HDLBP: variants seen among roughly 807,000 people sequenced by gnomAD.
The protein encoded by HDLBP is vigilin.
HDLBP carries 30 observed loss-of-function variants against 137.3 expected under a neutral mutation model. The observed-to-expected ratio is 0.22, with a 90% confidence interval of 0.16 to 0.30. The LOEUF is 0.30. HDLBP is among the 10% of genes least tolerant of loss of function. The pLI is 1.00. For synonymous variants in HDLBP, 606 were observed against 596.0 expected, an observed-to-expected ratio of 1.02 and a Z score of -0.24; for missense variants, 1,119 against 1,667.3, an observed-to-expected ratio of 0.67 and a Z score of 5.73.
intron 1 of HDLBP, among the ~76,000 whole-genome samples, chr2:241,274,340 C>T (rs1221449485): frequency 6.6e-6 from 1 of 152,160 alleles, no homozygotes; most frequent in Non-Finnish European, 1.5e-5. Context: ...ATCAGCAAAG[C>T]CGTGCTCTAA....
intron 1 of HDLBP, among the ~76,000 whole-genome samples, chr2:241,314,941 G>A (rs1343513582): frequency 1.3e-5 from 2 of 152,132 alleles, no homozygotes; most frequent in Non-Finnish European, 2.9e-5. Flanking sequence ...AGTGCCTCCA[G>A]GCCACGCGGG....
intron 1 of HDLBP, among the ~76,000 whole-genome samples, chr2:241,304,061 C>T (rs995508618): frequency 6.6e-6 from 1 of 152,212 alleles, no homozygotes; most frequent in African/African-American, 2.4e-5. Context: ...ATCCCCCTGC[C>T]TCAGCTTCCC....
At chr2:241,278,212 G>A (rs4675969) in intron 1 of HDLBP, among the ~76,000 whole-genome samples, 25,141 of 152,106 alleles carry the variant, frequency 0.17, 2,590 homozygotes, top group Admixed American at 0.36. Flanking sequence ...ATGTGGGGGG[G>A]TACAATATTA....
At position 241,229,981 on chromosome 2, in the gene HDLBP, A is replaced by T; in HGVS notation, c.3592-20T>A. ...AGCTAGCTGCAGGCAGAAGACAGGA[A>T]GACAGGGTCAGTCTGCCCAGCACCC... is the stretch of plus-strand genomic sequence containing the variant. On this transcript the variant is annotated intron_variant, in intron 26 of 27. Coordinates refer to ENST00000310931, the MANE Select transcript of HDLBP (RefSeq NM_005336.6). 1 of 1,585,534 alleles carries T rather than the reference A, an allele frequency of 6.3e-7. No homozygotes were observed. The highest frequency in any genetic ancestry group is 8.6e-7 in the Non-Finnish European group (1 of 1,165,062).
At chr2:241,302,911 T>C (rs2075440044) in intron 1 of HDLBP, among the ~76,000 whole-genome samples, 1 of 152,194 alleles carries the variant, frequency 6.6e-6, no homozygotes, top group African/African-American at 2.4e-5. Context: ...GCTCAGCCAC[T>C]GTGTCCTTCT....
chr2:241,237,170 G>A (rs776812034), intron 20 of HDLBP, among the ~76,000 whole-genome samples: 5 of 152,220 alleles, frequency 3.3e-5, no homozygotes, highest in Non-Finnish European at 7.3e-5. Flanking sequence ...GTGAGGCAGG[G>A]CTCATCAGGG....
chr2:241,290,074 T>C (rs1305604782), intron 1 of HDLBP, among the ~76,000 whole-genome samples: 1 of 152,188 alleles, frequency 6.6e-6, no homozygotes, highest in African/African-American at 2.4e-5. Flanking sequence ...AAAGCCTCCA[T>C]ACACTACTAT....
At chr2:241,281,089 C>T (rs1313137431) in intron 1 of HDLBP, among the ~76,000 whole-genome samples, 1 of 152,224 alleles carries the variant, frequency 6.6e-6, no homozygotes, top group Non-Finnish European at 1.5e-5. Flanking sequence ...GGCGCGGTGG[C>T]TCACGCCTGT....
In HDLBP at chr2:241,233,979, G is replaced by T. The variant is rs757162618; in HGVS notation, c.3145-16C>A. On this transcript the variant is annotated splice_polypyrimidine_tract_variant and intron_variant, in intron 23 of 27. Coordinates refer to ENST00000310931, the MANE Select transcript of HDLBP (RefSeq NM_005336.6). The surrounding 1 kb of genome is among the most constrained non-coding windows in gnomAD (Gnocchi z 4.3). The stretch of plus-strand genomic sequence containing the variant: ...TCCTTAAAGCCTACAAATGAAAGGA[G>T]CAAGAATGAGGCAAAGATTGAGCTG... The T allele has an allele frequency of 6.2e-7, 1 of 1,614,006 alleles. No individual in the cohort carries two copies. Among genetic ancestry groups the T allele is most frequent in the Non-Finnish European group, 8.5e-7 (1 of 1,179,874 alleles).
At chr2:241,305,982 G>C (rs1020107872) in intron 1 of HDLBP, among the ~76,000 whole-genome samples, 19 of 151,890 alleles carry the variant, frequency 1.3e-4, no homozygotes, top group African/African-American at 4.4e-4. Flanking sequence ...GGATGGTCTC[G>C]ATCTCCTGAC....
intron 3 of HDLBP, among the ~76,000 whole-genome samples, chr2:241,265,399 C>A (rs1282974270): frequency 6.6e-6 from 1 of 152,136 alleles, no homozygotes; most frequent in African/African-American, 2.4e-5. Context: ...GCCTGGGCAA[C>A]AAGAGCAAAA....
chr2:241,315,414 G>A (rs931588461), intron 1 of HDLBP, 156 bp downstream of exon 1: 4 of 152,026 alleles, frequency 2.6e-5, no homozygotes, highest in African/African-American at 9.7e-5. Flanking sequence ...CAGGAGGAGA[G>A]GCGAAGGCTC....
Position 241,236,699 on chromosome 2 carries a change from A to G in HDLBP, c.2820T>C (p.Cys940=). The change falls in exon 21 of 28, where the codon TGT becomes TGC. Residue 940 remains cysteine (C), a synonymous_variant. Transcript: ENST00000310931. ...EAGEGREAKD[C]DPGSPRRCDI... ...CACACCTCCTTGGAGAGCCGGGGTC[A>G]CAATCTTTAGCCTCTCTCCCCTCCC... The G allele has an allele frequency of 1.9e-6, 3 of 1,614,112 alleles. No homozygotes were observed. The highest frequency in any genetic ancestry group is 2.5e-6 in the Non-Finnish European group (3 of 1,179,998).
intron 12 of HDLBP, 114 bp downstream of exon 12, chr2:241,249,727 G>T: frequency 1.9e-6 from 2 of 1,031,052 alleles, no homozygotes; most frequent in East Asian, 2.5e-5. Context: ...AGTGCAACGT[G>T]GGATTTGTCG....
At chr2:241,254,910 T>G (rs1350221258) in intron 9 of HDLBP, 141 bp downstream of exon 9, 8 of 702,148 alleles carry the variant, frequency 1.1e-5, no homozygotes, top group African/African-American at 1.8e-5. Context: ...AAGTTGACCA[T>G]GTCAAACAGG....
At chr2:241,258,090 C>A (rs2072838850) in intron 5 of HDLBP, among the ~76,000 whole-genome samples, 2 of 151,898 alleles carry the variant, frequency 1.3e-5, no homozygotes, top group Admixed American at 1.3e-4. Flanking sequence ...CTGACTTCTA[C>A]AAAAATTTTA....
chr2:241,234,001 G>A (rs768285031), intron 23 of HDLBP, 38 bp from the exon 24 acceptor site: 3 of 1,612,406 alleles, frequency 1.9e-6, no homozygotes, highest in African/African-American at 1.3e-5. Flanking sequence ...CAAAGATTGA[G>A]CTGATCCACC....
chr2:241,252,202 TC>T (rs888102198), intron 11 of HDLBP, among the ~76,000 whole-genome samples: 2 of 152,014 alleles, frequency 1.3e-5, no homozygotes, highest in Non-Finnish European at 2.9e-5. Context: ...TATCACTGCC[TC>T]TTCAACAGAA....
At position 241,237,536 on chromosome 2, in the gene HDLBP, G is replaced by C. The variant is rs1397155622; in HGVS notation, c.2750-767C>G. On this transcript the variant is annotated intron_variant, in intron 20 of 27. Transcript: ENST00000310931. ...TGAAATCAAGGGTGATCCTAGGATG[G>C]GGAAGTAGGTGTTTCTGAAGGAGAA... 2.6e-5 allele frequency among the ~76,000 whole-genome samples: 4 copies of C among 152,190 alleles called. No individual in the cohort carries two copies. The South Asian group carries it at 8.3e-4, about 32-fold the overall frequency.
Sources: allele counts gnomAD v4.1 joint callset (sites outside exome capture counted in the v4.1 genomes callset), GRCh38; gene constraint gnomAD v4.1.1; non-coding constraint Gnocchi (gnomAD v3.1); transcripts MANE v1.5; gene names NCBI Gene and HGNC (gene_info 2026-07-23, HGNC 2026-07-21).